The following IQSEC1 variants were observed in gnomAD, a reference collection of about 807,000 sequenced individuals.
IQSEC1 encodes the protein IQ motif and SEC7 domain-containing protein 1.
IQSEC1 carries 31 observed loss-of-function variants against 91.0 expected under a neutral mutation model. That is an observed-to-expected ratio of 0.34 (90% CI 0.26 to 0.46). The LOEUF (loss-of-function observed/expected upper bound fraction) is 0.46. Among genes scored for constraint, IQSEC1 ranks in the 20% least tolerant of loss-of-function variants. IQSEC1 has a pLI of 1.00. For missense variants in IQSEC1, 1,388 were observed against 1,575.6 expected (o/e 0.88, Z 2.02); for synonymous variants, 699 against 662.6 (o/e 1.05, Z -0.84).
intron 1 of IQSEC1, among the ~76,000 whole-genome samples, chr3:13,221,019 A>T (rs1289535788): frequency 1.3e-5 from 2 of 152,260 alleles, no homozygotes; most frequent in Non-Finnish European, 2.9e-5. Context: ...TTGTAGAGAA[A>T]GGCAGCGACT....
chr3:13,197,371 G>A lies in IQSEC1; in HGVS notation c.273-33238C>T, dbSNP rs1694154207. On this transcript the variant is annotated intron_variant, in intron 1 of 15. Transcript: ENST00000648114. ...AGGGTGGGGTGCTCCCTGCCCCACT[G>A]GGGCTGAGCTGGACAGGCACTGAGT... 4.6e-5 allele frequency among the ~76,000 whole-genome samples: 7 copies of A among 152,330 alleles called. No homozygotes were observed. In the South Asian group the frequency reaches 1.5e-3, roughly 32 times the overall value.
chr3:12,946,815 C>T (rs1326195518), intron 1 of IQSEC1, among the ~76,000 whole-genome samples: 1 of 152,230 alleles, frequency 6.6e-6, no homozygotes, highest in Non-Finnish European at 1.5e-5. Flanking sequence ...AGTTCTCAGA[C>T]ACAGCAGAAG....
intron 1 of IQSEC1, among the ~76,000 whole-genome samples, chr3:13,277,351 G>A (rs531473354): frequency 3.0e-4 from 46 of 152,242 alleles, no homozygotes; most frequent in African/African-American, 1.1e-3. Flanking sequence ...AGAAAGGGGA[G>A]GCAAAAACCA....
At chr3:13,024,771 C>T (rs1213783731) in intron 1 of IQSEC1, among the ~76,000 whole-genome samples, 4 of 152,204 alleles carry the variant, frequency 2.6e-5, no homozygotes, top group East Asian at 1.9e-4. Context: ...ATCCACTCAT[C>T]GGGGACATGT....
chr3:13,266,034 C>A (rs1183402556), intron 1 of IQSEC1, among the ~76,000 whole-genome samples: 1 of 151,966 alleles, frequency 6.6e-6, no homozygotes, highest in African/African-American at 2.4e-5. Context: ...TTACTTTCCC[C>A]ACACCTGAAA....
chr3:13,225,877 A>ATT (rs1694744387), intron 1 of IQSEC1, among the ~76,000 whole-genome samples: 1 of 114,918 alleles, frequency 8.7e-6, no homozygotes, highest in East Asian at 2.7e-4. Context: ...TTAATTCATC[A>ATT]ATTTTTTTTT....
chr3:13,233,416 C>T (rs1694868840), intron 1 of IQSEC1, among the ~76,000 whole-genome samples: 2 of 152,324 alleles, frequency 1.3e-5, no homozygotes, highest in South Asian at 2.1e-4. Flanking sequence ...TGGCTTCAGG[C>T]CCCTGTTCTG....
rs796412810 is a variant in IQSEC1, at chr3:13,071,153, G to GTTTTTTTTTTTTT, written c.23+1826_23+1838dup. On this transcript the variant is annotated intron_variant, in intron 1 of 13. Transcript: ENST00000613206. ...GGTGGGACCCACACAGTTTTTTTTT[G>GTTTTTTTTTTTTT]TTTTTTTTTTTTTGTTTGTTTCTTT... Among the ~76,000 whole-genome samples the GTTTTTTTTTTTTT allele has an allele frequency of 6.6e-4, 60 of 90,958 alleles. 2 individuals are homozygous for GTTTTTTTTTTTTT. Among genetic ancestry groups the GTTTTTTTTTTTTT allele is most frequent in the East Asian group, 1.3e-3 (3 of 2,380 alleles). 59.7% of individuals were successfully genotyped at this position (90,958 alleles called of 152,430 possible). A position where few individuals can be genotyped will look rare whatever the true frequency, so the allele number is the denominator to read the frequency against.
intron 1 of IQSEC1, among the ~76,000 whole-genome samples, chr3:13,228,165 C>A (rs975156045): frequency 5.9e-5 from 9 of 152,156 alleles, no homozygotes; most frequent in African/African-American, 1.9e-4. Context: ...GCTGGGAGTG[C>A]CCAGGTGCCA....
chr3:13,058,342 C>T (rs1435955476), intron 1 of IQSEC1, among the ~76,000 whole-genome samples: 1 of 152,242 alleles, frequency 6.6e-6, no homozygotes, highest in Non-Finnish European at 1.5e-5. Flanking sequence ...CACTTCCATA[C>T]AAACCCCACA....
chr3:13,090,210 T>G (rs1031924045), intron 2 of IQSEC1, among the ~76,000 whole-genome samples: 6 of 140,564 alleles, frequency 4.3e-5, no homozygotes. Flanking sequence ...GGAGCAAGAC[T>G]CTGTCTCAAA....
chr3:12,909,555 G>C lies in IQSEC1; in HGVS notation c.2417-121C>G, dbSNP rs1695367048. ...TGCGTGAGCCTGGGATAAGTGCCGGGAGTCCAGCCTCCGCAGTGGCAGGCT... is the reference window on the plus strand; with the variant it reads ...TGCGTGAGCCTGGGATAAGTGCCGGCAGTCCAGCCTCCGCAGTGGCAGGCT... On this transcript the variant is annotated intron_variant, in intron 10 of 13. Coordinates refer to ENST00000613206, the MANE Select transcript of IQSEC1 (RefSeq NM_001134382.3). The surrounding 1 kb of genome is among the most constrained non-coding windows in gnomAD (Gnocchi z 4.9). The C allele has an allele frequency of 2.1e-6, 2 of 974,066 alleles. No homozygotes were observed. Among genetic ancestry groups the C allele is most frequent in the East Asian group, 2.4e-5 (1 of 40,818 alleles). The allele number at this position is 974,066 out of a possible 1,614,324, so 60.3% of individuals were successfully genotyped here.
intron 3 of IQSEC1, among the ~76,000 whole-genome samples, chr3:12,925,813 G>A (rs1559630173): frequency 2.6e-5 from 4 of 152,234 alleles, no homozygotes; most frequent in Non-Finnish European, 2.9e-5. Flanking sequence ...ACCTGGCCAG[G>A]TGTCTGTAGG....
At position 12,900,692 on chromosome 3, in the gene IQSEC1, T is replaced by TC; in HGVS notation, c.*290dup. 7.4e-7 allele frequency: 1 copy of TC among 1,357,098 alleles called. No homozygotes were observed. The highest frequency in any genetic ancestry group is 1.6e-5 in the South Asian group (1 of 62,252). 84.1% of individuals were successfully genotyped at this position (1,357,098 alleles called of 1,614,324 possible). A position where few individuals can be genotyped will look rare whatever the true frequency, so the allele number is the denominator to read the frequency against. On this transcript the variant is annotated 3_prime_UTR_variant, in exon 14 of 14. Coordinates refer to ENST00000613206, the MANE Select transcript of IQSEC1 (RefSeq NM_001134382.3). ...TGAGAGCTGGAGTGGGGGAGGCAGT[T>TC]CAACACTACTTGGCTGGCTCACCGT...
rs1376782946 is a variant in IQSEC1, at chr3:12,901,149, T to G, written c.3179A>C (p.His1060Pro). 1 of 1,541,652 alleles carries G rather than the reference T, an allele frequency of 6.5e-7. No homozygotes were observed. Among genetic ancestry groups the G allele is most frequent in the East Asian group, 2.4e-5 (1 of 40,846 alleles). ...QHIQHAHQYH[H>P]GPHGGHPAYG... ...GGCTGGGTGGCCCCCATGGGGGCCG[T>G]GGTGGTACTGGTGTGCGTGCTGGAT... Residue 1060 changes from histidine to proline, a missense_variant, in exon 14 of 14, where the codon CAC becomes CCC. Coordinates refer to ENST00000613206, the MANE Select transcript of IQSEC1 (RefSeq NM_001134382.3).
intron 1 of IQSEC1, among the ~76,000 whole-genome samples, chr3:13,200,331 T>C (rs1205023073): frequency 6.6e-6 from 1 of 152,116 alleles, no homozygotes; most frequent in Admixed American, 6.6e-5. Context: ...GTTTCAACTA[T>C]GAGCAAACCA....
chr3:13,180,192 G>A (rs950777880), intron 1 of IQSEC1, among the ~76,000 whole-genome samples: 1 of 152,240 alleles, frequency 6.6e-6, no homozygotes, highest in Non-Finnish European at 1.5e-5. Flanking sequence ...GTCTGGTGGG[G>A]ACTTGGAGAA....
rs559855862 is a variant in IQSEC1 at position 13,016,221 on chromosome 3, G to A, written c.23+56771C>T. Reference sequence around the variant, plus strand: ...CCATCCTGACATTGCCAGTGTCCGGGCCCAGGCCCCTCCTCCAGGAAGCCT... The same window carrying A: ...CCATCCTGACATTGCCAGTGTCCGGACCCAGGCCCCTCCTCCAGGAAGCCT... On this transcript the variant is annotated intron_variant, in intron 1 of 13. Transcript: ENST00000613206. 2.0e-3 allele frequency among the ~76,000 whole-genome samples: 298 copies of A among 152,338 alleles called. 1 individual carries two copies. Among genetic ancestry groups the A allele is most frequent in the Non-Finnish European group, 3.3e-3 (227 of 68,014 alleles).
intron 1 of IQSEC1, among the ~76,000 whole-genome samples, chr3:13,274,121 C>T (rs1448813563): frequency 6.6e-6 from 1 of 152,224 alleles, no homozygotes; most frequent in Non-Finnish European, 1.5e-5. Flanking sequence ...CAGGCTACCC[C>T]ACCAGGTCCC....
Sources: allele counts gnomAD v4.1 joint callset (sites outside exome capture counted in the v4.1 genomes callset), GRCh38; gene constraint gnomAD v4.1.1; non-coding constraint Gnocchi (gnomAD v3.1); transcripts MANE v1.5; gene names NCBI Gene and HGNC (gene_info 2026-07-23, HGNC 2026-07-21).